SCG3: variants seen among roughly 807,000 people sequenced by gnomAD.
SCG3 encodes the protein secretogranin III.
SCG3 carries 38 observed loss-of-function variants against 56.2 expected under a neutral mutation model. The observed-to-expected ratio is 0.68, with a 90% CI of 0.52 to 0.89. The LOEUF (loss-of-function observed/expected upper bound fraction) is 0.89, where lower values mean the gene tolerates loss of function less well. Among genes scored for constraint, SCG3 ranks in the 40% least tolerant of loss-of-function variants. The probability of loss-of-function intolerance (pLI) is 0.00; values close to 1 mark genes in which losing one functional copy is unlikely to be tolerated. For synonymous variants in SCG3, 176 were observed against 184.2 expected, an observed-to-expected ratio of 0.96 and a Z score of 0.36; for missense variants, 524 against 540.7, an observed-to-expected ratio of 0.97 and a Z score of 0.31.
At chr15:51,709,701 A>ATTTTTTTTT (rs869162420) in intron 10 of SCG3, among the ~76,000 whole-genome samples, 2 of 22,964 alleles carry the variant, frequency 8.7e-5, no homozygotes, top group Non-Finnish European at 1.3e-4. Context: ...ATATATATAT[A>ATTTTTTTTT]TTTTTTTTTT....
rs963380485 is a variant in SCG3 at position 51,692,256 on chromosome 15, C to G, written c.788C>G (p.Thr263Ser). The G allele has an allele frequency of 3.7e-6, 6 of 1,613,946 alleles. No homozygotes were observed. The highest frequency in any genetic ancestry group is 5.1e-6 in the Non-Finnish European group (6 of 1,179,972). The change falls in exon 7 of 12, where the codon ACT becomes AGT. Residue 263 changes from threonine to serine, a missense_variant. Thr to Ser is a moderately conservative substitution (Grantham distance 58). Coordinates refer to ENST00000220478, the MANE Select transcript of SCG3 (RefSeq NM_013243.4). ...TTGACAAATGGCTTGGAAAGGAGAA[C>G]TAAAACCTACAGTGAAGACAACTTT... Reference protein sequence around the residue: ...LTLTNGLERRTKTYSEDNFEE... With the variant: ...LTLTNGLERRSKTYSEDNFEE...
chr15:51,696,036 T>A, intron 8 of SCG3, 45 bp downstream of exon 8: 3 of 1,130,808 alleles, frequency 2.7e-6, no homozygotes, highest in Non-Finnish European at 4.0e-6. Context: ...GTTTTCATTG[T>A]TCAAAGTAAA....
intron 1 of SCG3, 113 bp downstream of exon 1, chr15:51,681,950 T>C: frequency 1.3e-6 from 1 of 756,072 alleles, no homozygotes; most frequent in East Asian, 2.7e-5. Context: ...GATCAAATCA[T>C]ATCCATGAAT....
At chr15:51,682,938 A>G in intron 2 of SCG3, 141 bp from the exon 3 acceptor site, 1 of 643,030 alleles carries the variant, frequency 1.6e-6, no homozygotes, top group Non-Finnish European at 2.7e-6. Flanking sequence ...AATTATTATA[A>G]CAGTGCTCTG....
intron 10 of SCG3, among the ~76,000 whole-genome samples, chr15:51,709,502 C>T (rs2055397892): frequency 6.7e-6 from 1 of 150,160 alleles, no homozygotes; most frequent in African/African-American, 2.5e-5. Flanking sequence ...GAATAAATGA[C>T]ATATGGATGT....
At chr15:51,714,386 G>C (rs2055440332) in intron 11 of SCG3, among the ~76,000 whole-genome samples, 1 of 152,152 alleles carries the variant, frequency 6.6e-6, no homozygotes, top group South Asian at 2.1e-4. Flanking sequence ...AAGACAGAGA[G>C]ATCTGGAGCA....
chr15:51,699,505 A>C lies in SCG3; in HGVS notation c.1069+103A>C. On this transcript the variant is annotated intron_variant, in intron 9 of 11. Transcript: ENST00000220478. ...TTAATTTAAAAATTACAGATTTTGA[A>C]AAGTGTTAAAATCTGAAACGCAGCC... The C allele has an allele frequency of 3.5e-6, 3 of 854,060 alleles. No homozygotes were observed. The South Asian group carries it at 5.1e-5, about 15-fold the overall frequency. The allele number at this position is 854,060 out of a possible 1,614,324, so 52.9% of individuals were successfully genotyped here. A position where few individuals can be genotyped will look rare whatever the true frequency, so the allele number is the denominator to read the frequency against.
At chr15:51,696,924 A>C (rs2055307473) in intron 8 of SCG3, among the ~76,000 whole-genome samples, 1 of 152,158 alleles carries the variant, frequency 6.6e-6, no homozygotes, top group Admixed American at 6.5e-5. Flanking sequence ...TATCAAAACT[A>C]TACCAGATAG....
chr15:51,704,847 T>G (rs1454834260), intron 10 of SCG3, among the ~76,000 whole-genome samples: 9 of 146,534 alleles, frequency 6.1e-5, no homozygotes, highest in Admixed American at 6.1e-4. Flanking sequence ...TATCCAGAAG[T>G]GGAATTGCTG....
Position 51,689,199 on chromosome 15 carries a change from G to GT in SCG3, c.541-16dup, listed in dbSNP as rs778138882. 6.2e-7 allele frequency: 1 copy of GT among 1,611,686 alleles called. No homozygotes were observed. Among genetic ancestry groups the GT allele is most frequent in the South Asian group, 1.1e-5 (1 of 90,878 alleles). ...GACTGGGAATATAGCAGTTATATAT[G>GT]TTTTGCCTTTTTATGATAGATCACA... On this transcript the variant is annotated intron_variant, in intron 5 of 11. Transcript: ENST00000220478.
In SCG3 at chr15:51,682,442, A is replaced by C. The variant is rs3214014; in HGVS notation, c.83-75A>C. The C allele has an allele frequency of 8.2e-3, 6,026 of 731,622 alleles. 244 individuals are homozygous for C. The East Asian group carries it at 0.12, about 14-fold the overall frequency. The allele number at this position is 731,622 out of a possible 1,614,324, so 45.3% of individuals were successfully genotyped here. A position where few individuals can be genotyped will look rare whatever the true frequency, so the allele number is the denominator to read the frequency against. ...CTCCTAATATTTTTCCTTTTTATAA[A>C]AATTTTATTTAATAAGAGGCATATT... On this transcript the variant is annotated intron_variant, in intron 1 of 11. Coordinates refer to ENST00000220478, the MANE Select transcript of SCG3 (RefSeq NM_013243.4).
At chr15:51,703,289 T>C (rs924700657) in intron 10 of SCG3, among the ~76,000 whole-genome samples, 2 of 152,190 alleles carry the variant, frequency 1.3e-5, no homozygotes, top group Non-Finnish European at 2.9e-5. Flanking sequence ...TCACACTTAA[T>C]AGACGCATGC....
At chr15:51,700,983 C>A in intron 9 of SCG3, 124 bp from the exon 10 acceptor site, 1 of 1,232,682 alleles carries the variant, frequency 8.1e-7, no homozygotes, top group Non-Finnish European at 1.1e-6. Context: ...CACTAAGATC[C>A]CTTTCAACTC....
At chr15:51,697,152 G>GTT (rs1276245129) in intron 8 of SCG3, among the ~76,000 whole-genome samples, 7 of 151,846 alleles carry the variant, frequency 4.6e-5, no homozygotes, top group Non-Finnish European at 7.4e-5. Flanking sequence ...GTGTGTGTGT[G>GTT]TGTGTGTGTG....
rs553754725 is a variant in SCG3, at chr15:51,695,872, T to C, written c.869-3T>C. On this transcript the variant is annotated splice_polypyrimidine_tract_variant and splice_region_variant and intron_variant, in intron 7 of 11. Coordinates refer to ENST00000220478, the MANE Select transcript of SCG3 (RefSeq NM_013243.4). ...TTTTAAGTTATTTTGTTCTTTCATA[T>C]AGAAAAAGAAGCAAAAGAGAAAGAA... The C allele has an allele frequency of 2.6e-6, 4 of 1,533,648 alleles. No individual in the cohort carries two copies. The highest frequency in any genetic ancestry group is 3.6e-6 in the Non-Finnish European group (4 of 1,110,904).
chr15:51,712,525 T>C (rs2055426946), intron 10 of SCG3, among the ~76,000 whole-genome samples: 1 of 152,218 alleles, frequency 6.6e-6, no homozygotes, highest in African/African-American at 2.4e-5. Context: ...TAGCGGAAGC[T>C]AAGCAGATCA....
At chr15:51,714,278 G>T (rs959884786) in intron 11 of SCG3, among the ~76,000 whole-genome samples, 5 of 152,204 alleles carry the variant, frequency 3.3e-5, no homozygotes, top group Admixed American at 6.5e-5. Context: ...CCTAAATTGG[G>T]GCCTAATTAG....
intron 10 of SCG3, among the ~76,000 whole-genome samples, chr15:51,704,794 T>TATATATATATATAC (rs1461091125): frequency 7.1e-6 from 1 of 140,430 alleles, no homozygotes; most frequent in Non-Finnish European, 1.6e-5. Context: ...TATATATATA[T>TATATATATATATAC]ACATCTCTCT....
rs2141586473 is a variant in SCG3 at position 51,719,776 on chromosome 15, A to C, written c.*250A>C. 1 of 457,384 alleles carries C rather than the reference A, an allele frequency of 2.2e-6. No individual in the cohort carries two copies. The highest frequency in any genetic ancestry group is 2.0e-5 in the African/African-American group (1 of 50,178). The allele number at this position is 457,384 out of a possible 1,614,324, so 28.3% of individuals were successfully genotyped here. On this transcript the variant is annotated 3_prime_UTR_variant, in exon 12 of 12. Transcript: ENST00000220478. ...ATTTCCTCATAGACTTATATTTTAT[A>C]ATCAGAATATGTTGCTTTGAAAAAG...
Sources: gnomAD v4.1 joint callset for allele counts (sites outside exome capture counted in the v4.1 genomes callset) on GRCh38, gnomAD v4.1.1 for gene constraint, MANE v1.5 for transcripts, NCBI Gene and HGNC (gene_info 2026-07-23, HGNC 2026-07-21) for gene names.